The following ABCC4 variants were observed in gnomAD, a reference collection of about 807,000 sequenced individuals.
ABCC4 encodes the protein ATP-binding cassette sub-family C member 4.
ABCC4 carries 102 observed loss-of-function variants against 168.5 expected under a neutral mutation model. The ratio of observed to expected loss-of-function variants is 0.61; its 90% confidence interval spans 0.52 to 0.71. The LOEUF is 0.71. Ranked by LOEUF, ABCC4 falls within the 30% of genes least tolerant of loss-of-function variation. The pLI, the probability that ABCC4 is intolerant of heterozygous loss-of-function variation, is 0.00. For missense variants in ABCC4, 1,402 were observed against 1,605.8 expected (o/e 0.87, Z 2.17); for synonymous variants, 617 against 590.7 (o/e 1.04, Z -0.65).
rs773869967 is a variant in ABCC4 at position 95,034,677 on chromosome 13, C to T, written c.3798G>A (p.Glu1266=). ...DEPYVLLQNK[E]SLFYKMVQQL... Reference sequence around the variant, plus strand: ...GTTGCACCATCTTGTAAAATAGGCTCTCTTTATTTTGCAGCAAAACATACG... The same window carrying T: ...GTTGCACCATCTTGTAAAATAGGCTTTCTTTATTTTGCAGCAAAACATACG... The change falls in exon 30 of 31, where the codon GAG becomes GAA. Residue 1266 remains glutamate, a synonymous_variant. Transcript: ENST00000645237. 3.1e-6 allele frequency: 5 copies of T among 1,614,092 alleles called. No homozygotes were observed. The African/African-American group carries it at 4.0e-5, about 13-fold the overall frequency.
chr13:95,268,067 AAAG>A (rs760724017), intron 1 of ABCC4, among the ~76,000 whole-genome samples: 15 of 152,198 alleles, frequency 9.9e-5, no homozygotes, highest in South Asian at 2.1e-4. Flanking sequence ...GTCTGTGTAG[AAAG>A]AAGAAGACCT....
chr13:95,134,487 G>A (rs769354002), intron 19 of ABCC4, among the ~76,000 whole-genome samples: 19 of 152,234 alleles, frequency 1.2e-4, no homozygotes, highest in Non-Finnish European at 2.6e-4. Flanking sequence ...AAGAGAGGCC[G>A]AGGTAGGCAG....
At position 95,053,014 on chromosome 13, in the gene ABCC4, T is replaced by G. The variant is rs561742684; in HGVS notation, c.3456+81A>C. On this transcript the variant is annotated intron_variant, in intron 27 of 30. Coordinates refer to ENST00000645237, the MANE Select transcript of ABCC4 (RefSeq NM_005845.5). ...AGTTAGTTAAACCGCTAAGCTCCTCTTAATTTCCTGCAATGCTGTAAAGGT... is the reference window on the plus strand; with the variant it reads ...AGTTAGTTAAACCGCTAAGCTCCTCGTAATTTCCTGCAATGCTGTAAAGGT... 8 of 1,275,582 alleles carry G rather than the reference T, an allele frequency of 6.3e-6. No individual in the cohort carries two copies. The Admixed American group carries it at 1.4e-4, about 22-fold the overall frequency. The allele number at this position is 1,275,582 out of a possible 1,614,324, so 79.0% of individuals were successfully genotyped here.
chr13:95,048,561 G>A (rs755655887), intron 27 of ABCC4, among the ~76,000 whole-genome samples: 21 of 152,208 alleles, frequency 1.4e-4, no homozygotes, highest in Admixed American at 3.9e-4. Context: ...TGAACGAAGC[G>A]AGCGGAAGCC....
chr13:95,058,594 A>AAAAT (rs2033163283), intron 26 of ABCC4, among the ~76,000 whole-genome samples: 1 of 41,442 alleles, frequency 2.4e-5, no homozygotes, highest in Non-Finnish European at 4.3e-5. Context: ...AAAAAAAAAG[A>AAAAT]AAAGAAAAAG....
chr13:95,250,312 T>C (rs1296075761), intron 1 of ABCC4, among the ~76,000 whole-genome samples: 1 of 152,110 alleles, frequency 6.6e-6, no homozygotes, highest in African/African-American at 2.4e-5. Flanking sequence ...TCTCCCACAA[T>C]ACTTAGTACA....
chr13:95,095,323 T>G (rs2034558214), intron 20 of ABCC4, among the ~76,000 whole-genome samples: 1 of 152,000 alleles, frequency 6.6e-6, no homozygotes, highest in Non-Finnish European at 1.5e-5. Context: ...TCTATCTATC[T>G]ATCTATCTAT....
intron 1 of ABCC4, among the ~76,000 whole-genome samples, chr13:95,272,550 A>T (rs1252010646): frequency 1.3e-5 from 2 of 152,210 alleles, no homozygotes; most frequent in Non-Finnish European, 2.9e-5. Context: ...AATTCAGTGG[A>T]TTATAAACTC....
chr13:95,295,655 C>T lies in ABCC4; in HGVS notation c.74+5586G>A, dbSNP rs568153051. Reference sequence around the variant, plus strand: ...ACTGGGCAACAGAGCAAGACTCCGTCCCCCGCCCCTCAAAAAATTAGCTAG... The same window carrying T: ...ACTGGGCAACAGAGCAAGACTCCGTTCCCCGCCCCTCAAAAAATTAGCTAG... On this transcript the variant is annotated intron_variant, in intron 1 of 30. Coordinates refer to ENST00000645237, the MANE Select transcript of ABCC4 (RefSeq NM_005845.5). Among the ~76,000 whole-genome samples the T allele has an allele frequency of 2.0e-5, 3 of 149,974 alleles. No homozygotes were observed. In the South Asian group the frequency reaches 6.3e-4, roughly 32 times the overall value.
chr13:95,047,718 C>T (rs61967173), intron 27 of ABCC4, among the ~76,000 whole-genome samples: 24,374 of 151,876 alleles, frequency 0.16, 2,240 homozygotes, highest in African/African-American at 0.25. Context: ...CTCCTGACCT[C>T]GTGATCCACC....
At chr13:95,096,903 C>T (rs1245232591) in intron 20 of ABCC4, among the ~76,000 whole-genome samples, 3 of 152,060 alleles carry the variant, frequency 2.0e-5, no homozygotes, top group Admixed American at 6.6e-5. Flanking sequence ...ATATAAAACA[C>T]AATTTTCTAT....
intron 11 of ABCC4, among the ~76,000 whole-genome samples, chr13:95,181,953 T>C (rs2037909886): frequency 6.6e-6 from 1 of 152,130 alleles, no homozygotes; most frequent in Admixed American, 6.6e-5. Context: ...TGTATCCCTT[T>C]TGTACTCAGC....
At chr13:95,290,426 C>T (rs2041368238) in intron 1 of ABCC4, among the ~76,000 whole-genome samples, 1 of 151,892 alleles carries the variant, frequency 6.6e-6, no homozygotes, top group South Asian at 2.1e-4. Flanking sequence ...GAATCATGGC[C>T]GGGTGTGGTG....
intron 4 of ABCC4, among the ~76,000 whole-genome samples, chr13:95,219,374 T>G (rs1467219466): frequency 6.6e-6 from 1 of 150,668 alleles, no homozygotes; most frequent in Non-Finnish European, 1.5e-5. Context: ...AGCCAGGGAG[T>G]GGGTAAAGAA....
In ABCC4 at chr13:95,044,450, CA is replaced by C; in HGVS notation, c.3457-13del. ...TCTTTAAGTTGTACCTGTAGATGTA[CA>C]AAGAAGAATGACTGCTATCATTCAA... On this transcript the variant is annotated splice_polypyrimidine_tract_variant and intron_variant, in intron 27 of 30. Coordinates refer to ENST00000645237, the MANE Select transcript of ABCC4 (RefSeq NM_005845.5). The C allele has an allele frequency of 6.3e-7, 1 of 1,593,454 alleles. No homozygotes were observed. The highest frequency in any genetic ancestry group is 8.5e-7 in the Non-Finnish European group (1 of 1,170,112).
intron 26 of ABCC4, among the ~76,000 whole-genome samples, chr13:95,058,593 G>GAAAAGAAAAGA (rs2033162462): frequency 2.5e-5 from 2 of 80,410 alleles, no homozygotes; most frequent in East Asian, 4.3e-4. Context: ...AAAAAAAAAA[G>GAAAAGAAAAGA]AAAAGAAAAA....
intron 19 of ABCC4, among the ~76,000 whole-genome samples, chr13:95,142,905 A>C (rs778070580): frequency 5.9e-5 from 9 of 152,234 alleles, no homozygotes; most frequent in Non-Finnish European, 1.0e-4. Context: ...AAAATATAAT[A>C]ATAAGAAGAA....
At chr13:95,256,602 CA>C (rs1486791647) in intron 1 of ABCC4, among the ~76,000 whole-genome samples, 4 of 151,948 alleles carry the variant, frequency 2.6e-5, no homozygotes, top group African/African-American at 9.7e-5. Context: ...CAAAAACATA[CA>C]AAAAACTGGC....
At chr13:95,023,094 G>C (rs2031184123) in intron 30 of ABCC4, among the ~76,000 whole-genome samples, 1 of 152,114 alleles carries the variant, frequency 6.6e-6, no homozygotes, top group South Asian at 2.1e-4. Flanking sequence ...ACTCCAAAAA[G>C]GCTATTCTGT....
Sources: gnomAD v4.1 joint callset for allele counts (sites outside exome capture counted in the v4.1 genomes callset) on GRCh38, gnomAD v4.1.1 for gene constraint, MANE v1.5 for transcripts, NCBI Gene and HGNC (gene_info 2026-07-23, HGNC 2026-07-21) for gene names.